Variants in CPNE8 observed in about 807,000 individuals in gnomAD.
The protein encoded by CPNE8 is copine-8.
In CPNE8, 45 loss-of-function variants were observed where a neutral mutation model predicts 81.5. That is an observed-to-expected ratio of 0.55 (90% CI 0.44 to 0.71). CPNE8 has a LOEUF of 0.71. Among genes scored for constraint, CPNE8 ranks in the 30% least tolerant of loss-of-function variants. CPNE8 has a pLI of 0.00. For missense variants in CPNE8, 594 were observed against 672.1 expected (o/e 0.88, Z 1.28); for synonymous variants, 252 against 226.3 (o/e 1.11, Z -1.02).
chr12:38,671,340 A>G (rs533201584), intron 18 of CPNE8, among the ~76,000 whole-genome samples: 34 of 152,210 alleles, frequency 2.2e-4, no homozygotes, highest in Non-Finnish European at 4.0e-4. Context: ...ATTTAACAAC[A>G]GAGGCATTTT....
rs944738665 is a variant in CPNE8 at position 38,803,375 on chromosome 12, T to C, written c.407+26004A>G. Among the ~76,000 whole-genome samples, 8 of 144,856 alleles carry C rather than the reference T, an allele frequency of 5.5e-5. No individual in the cohort carries two copies. The Admixed American group carries it at 5.7e-4, about 10-fold the overall frequency. ...AATATACGCAAATCAATAAATGTAA[T>C]CCAGCATATAAACACAACCAAAGAC... On this transcript the variant is annotated intron_variant, in intron 6 of 19. Coordinates refer to ENST00000331366, the MANE Select transcript of CPNE8 (RefSeq NM_153634.3).
chr12:38,693,483 T>A (rs1420193203), intron 15 of CPNE8, among the ~76,000 whole-genome samples, 174 bp downstream of exon 15: 1 of 152,140 alleles, frequency 6.6e-6, no homozygotes, highest in Non-Finnish European at 1.5e-5. Context: ...GGCTAAGCTA[T>A]TTAGCTGTCC....
chr12:38,749,320 C>T (rs1277549435), intron 10 of CPNE8, among the ~76,000 whole-genome samples: 1 of 150,566 alleles, frequency 6.6e-6, no homozygotes, highest in African/African-American at 2.5e-5. Context: ...TTGTAAATTG[C>T]CCAGTTTCAG....
Position 38,665,980 on chromosome 12 carries a change from G to C in CPNE8, c.1506+4749C>G, listed in dbSNP as rs377757275. ...TCCTACTGGACTGTACCAATGTACTGTACTGATAATAACGCATTTATTGAG... is the reference window on the plus strand; with the variant it reads ...TCCTACTGGACTGTACCAATGTACTCTACTGATAATAACGCATTTATTGAG... On this transcript the variant is annotated intron_variant, in intron 19 of 19. Transcript: ENST00000331366. Among the ~76,000 whole-genome samples, 7 of 152,292 alleles carry C rather than the reference G, an allele frequency of 4.6e-5. No homozygotes were observed. The East Asian group carries it at 5.8e-4, about 13-fold the overall frequency.
At chr12:38,678,408 A>C (rs1042543627) in intron 16 of CPNE8, among the ~76,000 whole-genome samples, 7 of 151,872 alleles carry the variant, frequency 4.6e-5, no homozygotes, top group Admixed American at 2.6e-4. Flanking sequence ...AATAGAGATA[A>C]TTTTTACGAT....
chr12:38,732,225 TTA>T (rs532589420), intron 10 of CPNE8, among the ~76,000 whole-genome samples: 172 of 152,042 alleles, frequency 1.1e-3, no homozygotes, highest in Non-Finnish European at 1.8e-3. Context: ...TTGTTAACAC[TTA>T]ATTTCCGCCA....
intron 13 of CPNE8, among the ~76,000 whole-genome samples, chr12:38,711,721 GGCCTCCCAA>G (rs1565578764): frequency 6.6e-6 from 1 of 151,882 alleles, no homozygotes; most frequent in African/African-American, 2.4e-5. Flanking sequence ...CACCCGCCTC[GGCCTCCCAA>G]AGTGCTGGGA....
At chr12:38,713,370 T>A (rs951052356) in intron 13 of CPNE8, among the ~76,000 whole-genome samples, 11 of 152,164 alleles carry the variant, frequency 7.2e-5, no homozygotes, top group Admixed American at 5.9e-4. Context: ...TTCCTCCAAG[T>A]AACTACAACG....
At chr12:38,691,917 C>T (rs78085362) in intron 15 of CPNE8, among the ~76,000 whole-genome samples, 8,466 of 152,228 alleles carry the variant, frequency 0.056, 515 homozygotes, top group East Asian at 0.32. Context: ...AATACTATTA[C>T]ATTAGCAGCA....
At chr12:38,672,557 C>T (rs571495653) in intron 18 of CPNE8, among the ~76,000 whole-genome samples, 1 of 152,306 alleles carries the variant, frequency 6.6e-6, no homozygotes, top group Non-Finnish European at 1.5e-5. Flanking sequence ...GCATTTCTTT[C>T]TAGCCATGGG....
chr12:38,780,297 C>T (rs997964549), intron 6 of CPNE8, among the ~76,000 whole-genome samples: 1 of 152,072 alleles, frequency 6.6e-6, no homozygotes, highest in Non-Finnish European at 1.5e-5. Context: ...ATCCATAATG[C>T]AGCATGGAGA....
chr12:38,845,553 A>G lies in CPNE8; in HGVS notation c.290+3006T>C, dbSNP rs570903782. On this transcript the variant is annotated intron_variant, in intron 4 of 19. Transcript: ENST00000331366. ...TTTTTACCATGAATATGTTACTTTT[A>G]CTAGGAATAACACATTGCTAAGAAT... 5.9e-5 allele frequency among the ~76,000 whole-genome samples: 9 copies of G among 152,068 alleles called. No homozygotes were observed. The South Asian group carries it at 1.9e-3, about 32-fold the overall frequency.
chr12:38,797,644 C>T (rs1294072442), intron 6 of CPNE8, among the ~76,000 whole-genome samples: 2 of 152,142 alleles, frequency 1.3e-5, no homozygotes, highest in African/African-American at 2.4e-5. Flanking sequence ...CAGAGTGCCT[C>T]TCCTCCTCCA....
chr12:38,670,500 C>T (rs1333353720), intron 19 of CPNE8, among the ~76,000 whole-genome samples: 1 of 151,828 alleles, frequency 6.6e-6, no homozygotes, highest in Non-Finnish European at 1.5e-5. Flanking sequence ...TTTTTTCTAA[C>T]CATAATGTAT....
rs1198306030 is a variant in CPNE8, at chr12:38,874,112, T to TA, written c.139+358dup. Among the ~76,000 whole-genome samples, 100 of 147,572 alleles carry TA rather than the reference T, an allele frequency of 6.8e-4. 1 individual carries two copies. The highest frequency in any genetic ancestry group is 3.5e-3 in the Middle Eastern group (1 of 288). Reference sequence around the variant, plus strand: ...ACCTTGCCCGACCACCACTTTCATTTAAAAAAAAAAGAAAAAAAAGAAACG... The same window carrying TA: ...ACCTTGCCCGACCACCACTTTCATTTAAAAAAAAAAAGAAAAAAAAGAAACG... On this transcript the variant is annotated intron_variant, in intron 2 of 19. Coordinates refer to ENST00000331366, the MANE Select transcript of CPNE8 (RefSeq NM_153634.3).
chr12:38,680,889 A>AT (rs918637394), intron 16 of CPNE8, among the ~76,000 whole-genome samples: 2 of 151,990 alleles, frequency 1.3e-5, no homozygotes, highest in African/African-American at 2.4e-5. Context: ...AGTTATCTGG[A>AT]TTTTAGAAGG....
intron 19 of CPNE8, among the ~76,000 whole-genome samples, chr12:38,660,738 A>C (rs545151435): frequency 6.6e-6 from 1 of 152,344 alleles, no homozygotes; most frequent in South Asian, 2.1e-4. Context: ...TAATATCCAG[A>C]ATCTACAAAG....
chr12:38,793,711 G>GA (rs536333206), intron 6 of CPNE8, among the ~76,000 whole-genome samples: 2,252 of 151,276 alleles, frequency 0.015, 23 homozygotes, highest in South Asian at 0.036. Flanking sequence ...GAAATAAATA[G>GA]AAAAAAAATC....
At chr12:38,768,104 T>C (rs1183199388) in intron 7 of CPNE8, among the ~76,000 whole-genome samples, 1 of 151,748 alleles carries the variant, frequency 6.6e-6, no homozygotes, top group Non-Finnish European at 1.5e-5. Context: ...TCCTGTTCAT[T>C]AAGGAAATAT....
Sources: gnomAD v4.1 joint callset for allele counts (sites outside exome capture counted in the v4.1 genomes callset) on GRCh38, gnomAD v4.1.1 for gene constraint, MANE v1.5 for transcripts, NCBI Gene and HGNC (gene_info 2026-07-23, HGNC 2026-07-21) for gene names.